NAV3: variants seen among roughly 807,000 people sequenced by gnomAD.
NAV3 encodes pore membrane and/or filament interacting like protein 1.
NAV3 carries 87 observed loss-of-function variants against 244.7 expected under a neutral mutation model. The ratio of observed to expected loss-of-function variants is 0.36; its 90% confidence interval spans 0.30 to 0.42. NAV3 has a LOEUF of 0.42. Among genes scored for constraint, NAV3 ranks in the 20% least tolerant of loss-of-function variants. NAV3 has a pLI of 1.00. For synonymous variants in NAV3, 1,126 were observed against 1,042.2 expected (o/e 1.08, Z -1.55); for missense variants, 2,663 against 2,893.3 (o/e 0.92, Z 1.83).
At chr12:77,910,246 A>G (rs1193313277) in intron 1 of NAV3, among the ~76,000 whole-genome samples, 1 of 152,044 alleles carries the variant, frequency 6.6e-6, no homozygotes, top group African/African-American at 2.4e-5. Flanking sequence ...GCACCTCAGG[A>G]AGCTTCCAAT....
chr12:78,175,275 A>T (rs1421449241), intron 24 of NAV3, 31 bp from the exon 25 acceptor site: 1 of 1,607,186 alleles, frequency 6.2e-7, no homozygotes, highest in East Asian at 2.2e-5. Flanking sequence ...ACTCTTCATG[A>T]GCCGATGTGA....
At position 78,198,871 on chromosome 12, in the gene NAV3, T is replaced by G. The variant is rs144739611; in HGVS notation, c.6518+195T>G. 4.5e-3 allele frequency among the ~76,000 whole-genome samples: 676 copies of G among 151,094 alleles called. 7 individuals carry two copies. Among genetic ancestry groups the G allele is most frequent in the African/African-American group, 0.016 (646 of 41,326 alleles). On this transcript the variant is annotated intron_variant, in intron 36 of 39. Coordinates refer to ENST00000397909, the MANE Select transcript of NAV3 (RefSeq NM_001024383.2). ...TCTGACACTCTTTCTCAAGCCAACG[T>G]TTTGTGATCTTCAACCTGTAATCAG...
chr12:77,858,217 T>G (rs1878691323), intron 1 of NAV3, among the ~76,000 whole-genome samples: 1 of 152,014 alleles, frequency 6.6e-6, no homozygotes. Flanking sequence ...AAGTACAATA[T>G]TTAAAACTCT....
chr12:77,980,756 TGTAA>T (rs1371943384), intron 5 of NAV3, among the ~76,000 whole-genome samples: 1 of 152,206 alleles, frequency 6.6e-6, no homozygotes, highest in African/African-American at 2.4e-5. Context: ...TTGAGCTATG[TGTAA>T]GTAACAGCAT....
chr12:77,939,174 C>T lies in NAV3; in HGVS notation c.244-1145C>T, dbSNP rs148208991. 3.3e-5 allele frequency among the ~76,000 whole-genome samples: 5 copies of T among 152,104 alleles called. No individual in the cohort carries two copies. The East Asian group carries it at 7.7e-4, about 23-fold the overall frequency. ...TTTAACATGCTTGGCATTTAGTGTTCATAACTATAAAATGCAACTTACCTT... is the reference window on the plus strand; with the variant it reads ...TTTAACATGCTTGGCATTTAGTGTTTATAACTATAAAATGCAACTTACCTT... On this transcript the variant is annotated intron_variant, in intron 1 of 39. Transcript: ENST00000397909.
At chr12:77,855,173 G>A (rs1156867682) in intron 1 of NAV3, among the ~76,000 whole-genome samples, 2 of 152,126 alleles carry the variant, frequency 1.3e-5, no homozygotes, top group Non-Finnish European at 2.9e-5. Context: ...CCTTTTGCAT[G>A]TGTCCTAAAG....
chr12:77,787,585 AGAGAACTCACTATCAT>A (rs977499746), intron 2 of NAV3, among the ~76,000 whole-genome samples: 19 of 152,288 alleles, frequency 1.2e-4, no homozygotes, highest in South Asian at 6.2e-4. Context: ...CTCACTATTA[AGAGAACTCACTATCAT>A]GAGAACTCAC....
At chr12:77,716,518 G>C (rs1487235179) in intron 2 of NAV3, among the ~76,000 whole-genome samples, 2 of 151,694 alleles carry the variant, frequency 1.3e-5, no homozygotes, top group Non-Finnish European at 3.0e-5. Flanking sequence ...CTAAAGGATT[G>C]TAATAAACAT....
At chr12:78,062,999 G>A (rs901423023) in intron 12 of NAV3, among the ~76,000 whole-genome samples, 4 of 152,092 alleles carry the variant, frequency 2.6e-5, no homozygotes, top group Admixed American at 2.0e-4. Context: ...ACCTAGCATA[G>A]CAATGGACTT....
At chr12:77,580,146 C>A (rs1869284670) in intron 2 of NAV3, among the ~76,000 whole-genome samples, 1 of 151,166 alleles carries the variant, frequency 6.6e-6, no homozygotes, top group African/African-American at 2.4e-5. Context: ...CTGCATATAA[C>A]AAATGATTTA....
At chr12:77,660,356 T>G (rs2137033861) in intron 2 of NAV3, among the ~76,000 whole-genome samples, 1 of 152,316 alleles carries the variant, frequency 6.6e-6, no homozygotes, top group South Asian at 2.1e-4. Flanking sequence ...TTAAGTCAAA[T>G]ATTGTAGTAT....
intron 16 of NAV3, among the ~76,000 whole-genome samples, chr12:78,124,388 C>G (rs1246915545): frequency 6.6e-6 from 1 of 152,096 alleles, no homozygotes; most frequent in East Asian, 1.9e-4. Context: ...TCTTTTTAAG[C>G]AGATTTATTT....
intron 2 of NAV3, among the ~76,000 whole-genome samples, chr12:77,738,954 G>T (rs1868276011): frequency 7.3e-6 from 1 of 137,896 alleles, no homozygotes; most frequent in African/African-American, 2.7e-5. Context: ...GGAGCTTGCA[G>T]TGAGCCGAGA....
intron 16 of NAV3, among the ~76,000 whole-genome samples, chr12:78,123,866 G>C (rs1424084482): frequency 6.6e-6 from 1 of 152,154 alleles, no homozygotes; most frequent in African/African-American, 2.4e-5. Flanking sequence ...CGGGCTTCCT[G>C]TAAAATCTTT....
At chr12:77,761,400 T>A (rs1193419734) in intron 2 of NAV3, among the ~76,000 whole-genome samples, 2 of 152,166 alleles carry the variant, frequency 1.3e-5, no homozygotes, top group Non-Finnish European at 2.9e-5. Context: ...TCAGCTGCTA[T>A]CTCCCAACAT....
chr12:78,024,310 A>C (rs553424802), intron 9 of NAV3, among the ~76,000 whole-genome samples: 2 of 152,346 alleles, frequency 1.3e-5, no homozygotes, highest in South Asian at 4.1e-4. Flanking sequence ...TGAATGAACC[A>C]GGAGAAAACA....
At chr12:78,127,354 G>A (rs911599124) in intron 17 of NAV3, 146 bp downstream of exon 17, 12 of 758,126 alleles carry the variant, frequency 1.6e-5, no homozygotes, top group African/African-American at 5.3e-5. Flanking sequence ...TCTCTGGCCC[G>A]AACAGTTGGT....
intron 2 of NAV3, among the ~76,000 whole-genome samples, chr12:77,706,757 G>T (rs952167917): frequency 6.7e-6 from 1 of 149,698 alleles, no homozygotes; most frequent in African/African-American, 2.5e-5. Context: ...TGTAGTCCCA[G>T]CTACTCGGGA....
rs61516625 is a variant in NAV3, at chr12:77,859,758, C to CAAAAAAAAAA, written c.243+28067_243+28076dup. Among the ~76,000 whole-genome samples, 46 of 68,714 alleles carry CAAAAAAAAAA rather than the reference C, an allele frequency of 6.7e-4. 1 individual carries two copies. The highest frequency in any genetic ancestry group is 2.7e-3 in the East Asian group (5 of 1,824). The allele number at this position is 68,714 out of a possible 152,430, so 45.1% of individuals were successfully genotyped here. On this transcript the variant is annotated intron_variant, in intron 1 of 39. Coordinates refer to ENST00000397909, the MANE Select transcript of NAV3 (RefSeq NM_001024383.2). ...CAAGCATTTCCCATGCTTTCAAATG[C>CAAAAAAAAAA]AAAAAAAAAAAAAAAAAAAAAAGAC...
Sources: allele counts gnomAD v4.1 joint callset (sites outside exome capture counted in the v4.1 genomes callset), GRCh38; gene constraint gnomAD v4.1.1; transcripts MANE v1.5; gene names NCBI Gene and HGNC (gene_info 2026-07-23, HGNC 2026-07-21).